Variants in DGKI observed in about 807,000 individuals in gnomAD.
DGKI encodes diacylglycerol kinase iota, also known as DAG kinase iota.
Under a neutral mutation model 147.5 loss-of-function variants are expected in DGKI, and 55 were observed. The observed-to-expected ratio is 0.37, with a 90% CI of 0.30 to 0.47. DGKI has a LOEUF of 0.47. DGKI is among the 20% of genes least tolerant of loss of function. The pLI is 1.00. For missense variants in DGKI, 1,007 were observed against 1,323.8 expected, an observed-to-expected ratio of 0.76 and a Z score of 3.71; for synonymous variants, 469 against 477.1, an observed-to-expected ratio of 0.98 and a Z score of 0.22.
At chr7:137,844,688 C>G (rs1305455525) in intron 1 of DGKI, among the ~76,000 whole-genome samples, 1 of 152,206 alleles carries the variant, frequency 6.6e-6, no homozygotes, top group Admixed American at 6.5e-5. Context: ...TACACACTTA[C>G]ACGTGCATGT....
At chr7:137,470,596 T>G (rs1398560821) in intron 23 of DGKI, among the ~76,000 whole-genome samples, 1 of 151,746 alleles carries the variant, frequency 6.6e-6, no homozygotes, top group East Asian at 1.9e-4. Context: ...CAGGCTGTCT[T>G]CCAGGCTGTC....
intron 3 of DGKI, among the ~76,000 whole-genome samples, chr7:137,661,210 G>A (rs1822415424): frequency 6.6e-6 from 1 of 152,132 alleles, no homozygotes; most frequent in Admixed American, 6.5e-5. Context: ...ATGGGACATG[G>A]GGAAGGCAGT....
intron 1 of DGKI, among the ~76,000 whole-genome samples, chr7:137,709,916 C>A (rs1376050658): frequency 6.6e-6 from 1 of 151,448 alleles, no homozygotes; most frequent in East Asian, 1.9e-4. Context: ...TTAATAAGGA[C>A]AATCATGATT....
intron 1 of DGKI, among the ~76,000 whole-genome samples, chr7:137,782,957 G>A (rs1423053753): frequency 3.3e-5 from 5 of 152,190 alleles, no homozygotes; most frequent in Admixed American, 6.5e-5. Flanking sequence ...GGAGCACCCC[G>A]TGGGACAAAT....
chr7:137,480,453 A>G (rs150296336), intron 23 of DGKI, among the ~76,000 whole-genome samples: 60 of 152,312 alleles, frequency 3.9e-4, no homozygotes, highest in Middle Eastern at 6.8e-3. Context: ...TGAAATATTT[A>G]TAGGAAAATG....
chr7:137,770,820 A>C (rs1796170725), intron 1 of DGKI, among the ~76,000 whole-genome samples: 1 of 48,892 alleles, frequency 2.0e-5, no homozygotes, highest in Admixed American at 1.4e-4. Flanking sequence ...GGCGTGAGCC[A>C]CCGCGCCCGG....
intron 21 of DGKI, among the ~76,000 whole-genome samples, chr7:137,504,914 AAG>A (rs1179983310): frequency 6.6e-6 from 1 of 152,198 alleles, no homozygotes; most frequent in Non-Finnish European, 1.5e-5. Context: ...ACTCTGTGAA[AAG>A]AGAGTGTTAA....
chr7:137,453,124 C>G (rs772647534), intron 27 of DGKI: 1 of 152,202 alleles, frequency 6.6e-6, no homozygotes, highest in African/African-American at 2.4e-5. Context: ...ACACAAATTC[C>G]ATCTATTTCC....
At position 137,654,746 on chromosome 7, in the gene DGKI, T is replaced by C. The variant is rs751316583; in HGVS notation, c.724A>G (p.Arg242Gly). 1 of 1,608,372 alleles carries C rather than the reference T, an allele frequency of 6.2e-7. No homozygotes were observed. The highest frequency in any genetic ancestry group is 2.2e-5 in the East Asian group (1 of 44,800). ...CKPTFREGGS[R>G]SPRENFVRHH... The stretch of plus-strand genomic sequence containing the variant: ...GAAATACTCACTTCTCTTGGTGACC[T>C]TGAGCCTCCTTCTCGAAATGTTGGT... The change falls in exon 5 of 33, where the codon AGG becomes GGG. Residue 242 changes from arginine to glycine, a missense_variant. By Grantham distance (125) the Arg-to-Gly change is moderately radical. This residue lies in a region of DGKI where 259 missense variants were observed against 362.5 expected (regional missense o/e 0.71). Coordinates refer to ENST00000614521, the MANE Select transcript of DGKI (RefSeq NM_001321708.2).
At chr7:137,396,663 A>G (rs1811565814) in intron 31 of DGKI, among the ~76,000 whole-genome samples, 1 of 152,058 alleles carries the variant, frequency 6.6e-6, no homozygotes, top group Non-Finnish European at 1.5e-5. Flanking sequence ...TCCTTCCCAC[A>G]TGCTTAGCTA....
At chr7:137,641,225 G>A (rs774235681) in intron 6 of DGKI, among the ~76,000 whole-genome samples, 3 of 152,210 alleles carry the variant, frequency 2.0e-5, no homozygotes, top group South Asian at 4.2e-4. Context: ...AGCCTCCCCA[G>A]CCACGTGGAA....
chr7:137,623,445 A>C, intron 7 of DGKI, 38 bp downstream of exon 7: 1 of 1,584,486 alleles, frequency 6.3e-7, no homozygotes, highest in Non-Finnish European at 8.7e-7. Flanking sequence ...TTTCGACAAA[A>C]CATGAGCCCA....
Position 137,475,584 on chromosome 7 carries a change from A to T in DGKI, c.2374-5965T>A, listed in dbSNP as rs187384743. On this transcript the variant is annotated intron_variant, in intron 23 of 32. Transcript: ENST00000614521. ...ACATTATTCTTTTTCCTGTGATACAACTGTGATCAACCTTTTTAATGTGTA... is the reference window on the plus strand; with the variant it reads ...ACATTATTCTTTTTCCTGTGATACATCTGTGATCAACCTTTTTAATGTGTA... Among the ~76,000 whole-genome samples, 115 of 152,340 alleles carry T rather than the reference A, an allele frequency of 7.5e-4. 1 individual carries two copies. The highest frequency in any genetic ancestry group is 2.5e-3 in the African/African-American group (106 of 41,578).
chr7:137,437,734 T>C (rs756809889), intron 28 of DGKI, among the ~76,000 whole-genome samples: 11 of 152,070 alleles, frequency 7.2e-5, no homozygotes, highest in African/African-American at 1.9e-4. Flanking sequence ...TCTGGACTCA[T>C]ACCAAAGTTA....
rs971499813 is a variant in DGKI, at chr7:137,585,361, A to G, written c.1426-15T>C. On this transcript the variant is annotated splice_polypyrimidine_tract_variant and intron_variant, in intron 13 of 32. Transcript: ENST00000614521. ...TCAGTGTAGCCCTGAGGAATCAGAGAACATATCCATTGCTGTCCAGAGTGG... is the reference window on the plus strand; with the variant it reads ...TCAGTGTAGCCCTGAGGAATCAGAGGACATATCCATTGCTGTCCAGAGTGG... The G allele has an allele frequency of 3.7e-6, 6 of 1,613,362 alleles. No homozygotes were observed. Among genetic ancestry groups the G allele is most frequent in the Non-Finnish European group, 5.1e-6 (6 of 1,179,670 alleles).
At chr7:137,587,910 ATCTTTT>A (rs1819464721) in intron 12 of DGKI, among the ~76,000 whole-genome samples, 1 of 152,224 alleles carries the variant, frequency 6.6e-6, no homozygotes, top group South Asian at 2.1e-4. Flanking sequence ...TCCCTGTTTA[ATCTTTT>A]TCTAAGATAA....
Position 137,846,926 on chromosome 7 carries a change from A to G in DGKI, c.-64T>C. The G allele has an allele frequency of 1.9e-6, 2 of 1,052,978 alleles. No individual in the cohort carries two copies. The highest frequency in any genetic ancestry group is 2.3e-6 in the Non-Finnish European group (2 of 869,396). The allele number at this position is 1,052,978 out of a possible 1,614,324, so 65.2% of individuals were successfully genotyped here. A position where few individuals can be genotyped will look rare whatever the true frequency, so the allele number is the denominator to read the frequency against. On this transcript the variant is annotated 5_prime_UTR_variant, in exon 1 of 33. Coordinates refer to ENST00000614521, the MANE Select transcript of DGKI (RefSeq NM_001321708.2). This position sits in a 1 kb window ranked among gnomAD's most constrained non-coding sequence, Gnocchi z 4.0. ...GCTCACTCCCCCGCCCCGGCCAATC[A>G]GAGGCCGCCGCTCCCCGCCTCCCGC...
intron 14 of DGKI, among the ~76,000 whole-genome samples, chr7:137,583,451 C>T (rs1380771418): frequency 1.3e-5 from 2 of 152,144 alleles, no homozygotes; most frequent in Non-Finnish European, 2.9e-5. Flanking sequence ...AATTCTAACC[C>T]ATGTCTTAAC....
intron 29 of DGKI, among the ~76,000 whole-genome samples, chr7:137,410,071 A>T (rs1812105213): frequency 6.6e-6 from 1 of 152,226 alleles, no homozygotes; most frequent in Non-Finnish European, 1.5e-5. Context: ...GAGAAAAAGT[A>T]AAACCTTAAG....
Sources: allele counts gnomAD v4.1 joint callset (sites outside exome capture counted in the v4.1 genomes callset), GRCh38; gene constraint gnomAD v4.1.1; regional missense constraint gnomAD v4.1.1; non-coding constraint Gnocchi (gnomAD v3.1); transcripts MANE v1.5; gene names NCBI Gene and HGNC (gene_info 2026-07-23, HGNC 2026-07-21).